CCDC149: variants seen among roughly 807,000 people sequenced by gnomAD.
CCDC149 encodes the protein coiled-coil domain containing 149, also known as coiled-coil domain-containing protein 149.
A neutral mutation model predicts 59.9 loss-of-function variants in CCDC149; 45 were observed. The ratio of observed to expected loss-of-function variants is 0.75; its 90% CI spans 0.59 to 0.96. The LOEUF (loss-of-function observed/expected upper bound fraction) is 0.96, where lower values mean the gene tolerates loss of function less well. Ranked by LOEUF, CCDC149 falls within the 40% of genes least tolerant of loss-of-function variation. CCDC149 has a pLI of 0.00. For synonymous variants in CCDC149, 245 were observed against 260.6 expected (o/e 0.94, Z 0.58); for missense variants, 584 against 664.7 (o/e 0.88, Z 1.33).
chr4:24,897,745 G>C (rs1351394584), intron 1 of CCDC149, among the ~76,000 whole-genome samples: 1 of 152,204 alleles, frequency 6.6e-6, no homozygotes, highest in Non-Finnish European at 1.5e-5. Flanking sequence ...GCACGAGTTT[G>C]GATTTGGGCA....
rs573396223 is a variant in CCDC149 at position 24,935,186 on chromosome 4, A to G, written c.-64-40068T>C. On this transcript the variant is annotated intron_variant, in intron 1 of 12. Transcript: ENST00000389609. ...GATTCTGGAAGTATTTTTAAGTTAGACACAGCAATGCTTGCAGATAGATTG... is the reference window on the plus strand; with the variant it reads ...GATTCTGGAAGTATTTTTAAGTTAGGCACAGCAATGCTTGCAGATAGATTG... 3.9e-5 allele frequency among the ~76,000 whole-genome samples: 6 copies of G among 152,308 alleles called. No homozygotes were observed. In the South Asian group the frequency reaches 1.2e-3, roughly 32 times the overall value.
Position 24,878,412 on chromosome 4 carries a change from G to C in CCDC149, c.64-1715C>G, listed in dbSNP as rs575877985. Among the ~76,000 whole-genome samples, 11 of 152,248 alleles carry C rather than the reference G, an allele frequency of 7.2e-5. No homozygotes were observed. The East Asian group carries it at 1.5e-3, about 21-fold the overall frequency. On this transcript the variant is annotated intron_variant, in intron 1 of 12. Coordinates refer to ENST00000635206, the MANE Select transcript of CCDC149 (RefSeq NM_001330643.2). ...TTGAGACGTTGACATCGTCTTCATG[G>C]AGGCAAAATGGTTCTGTTGCCACAG... is the stretch of plus-strand genomic sequence containing the variant.
At chr4:24,820,501 GGAAA>G (rs1400200213) in intron 11 of CCDC149, among the ~76,000 whole-genome samples, 1 of 151,956 alleles carries the variant, frequency 6.6e-6, no homozygotes, top group Non-Finnish European at 1.5e-5. Context: ...TCCTACTTTG[GGAAA>G]GAAAGAAGAG....
intron 1 of CCDC149, among the ~76,000 whole-genome samples, chr4:24,949,966 G>A (rs72619166): frequency 0.09 from 13,758 of 152,146 alleles, 1,050 homozygotes; most frequent in East Asian, 0.29. Context: ...GAAGGATGGC[G>A]ACAGAGGTCA....
At chr4:24,953,640 C>T (rs1178245199) in intron 1 of CCDC149, among the ~76,000 whole-genome samples, 4 of 152,132 alleles carry the variant, frequency 2.6e-5, no homozygotes, top group African/African-American at 7.2e-5. Context: ...AACAAAAATA[C>T]TTCAAAGCAT....
chr4:24,818,717 C>T (rs1302103998), intron 12 of CCDC149, among the ~76,000 whole-genome samples: 1 of 152,192 alleles, frequency 6.6e-6, no homozygotes, highest in African/African-American at 2.4e-5. Flanking sequence ...GCTTGAGCGT[C>T]CTCATGATAT....
Position 24,837,116 on chromosome 4 carries a change from A to C in CCDC149, c.662+112T>G. Reference sequence around the variant, plus strand: ...ATTTCGGGGGAGTGAGTTTCTTTTCACTTGTAAGGCAATTTTCTCCAAAAT... The same window carrying C: ...ATTTCGGGGGAGTGAGTTTCTTTTCCCTTGTAAGGCAATTTTCTCCAAAAT... On this transcript the variant is annotated intron_variant, in intron 6 of 12. Transcript: ENST00000635206. The surrounding 1 kb of genome is among the most constrained non-coding windows in gnomAD (Gnocchi z 4.3). The C allele has an allele frequency of 9.6e-7, 1 of 1,037,906 alleles. No individual in the cohort carries two copies. The highest frequency in any genetic ancestry group is 1.7e-5 in the South Asian group (1 of 58,920). The allele number at this position is 1,037,906 out of a possible 1,614,324, so 64.3% of individuals were successfully genotyped here.
chr4:24,917,818 C>A (rs947549136), upstream of CCDC149, among the ~76,000 whole-genome samples: 3 of 151,964 alleles, frequency 2.0e-5, no homozygotes, highest in Admixed American at 2.0e-4. Flanking sequence ...ATTTCTTCTG[C>A]GTGGGGGGGA....
chr4:24,862,527 A>G (rs1718446561), intron 3 of CCDC149, among the ~76,000 whole-genome samples: 1 of 152,142 alleles, frequency 6.6e-6, no homozygotes, highest in Admixed American at 6.5e-5. Context: ...ATCACTGCCT[A>G]TGCGCTGAAT....
At chr4:24,912,309 T>C (rs1216631923) in intron 1 of CCDC149, among the ~76,000 whole-genome samples, 1 of 151,992 alleles carries the variant, frequency 6.6e-6, no homozygotes, top group African/African-American at 2.4e-5. Flanking sequence ...ACGTGTTGAT[T>C]GAATTGAGCA....
At chr4:24,824,381 A>C (rs1715593199) in intron 9 of CCDC149, among the ~76,000 whole-genome samples, 1 of 152,226 alleles carries the variant, frequency 6.6e-6, no homozygotes, top group South Asian at 2.1e-4. Flanking sequence ...AGAAATAATA[A>C]CAATAGTACC....
At chr4:24,848,508 G>A (rs1424255357) in intron 4 of CCDC149, among the ~76,000 whole-genome samples, 1 of 152,110 alleles carries the variant, frequency 6.6e-6, no homozygotes, top group African/African-American at 2.4e-5. Flanking sequence ...GGCGGAGGTT[G>A]CAGTGAGCTG....
At chr4:24,839,349 T>G (rs1391087656) in intron 4 of CCDC149, among the ~76,000 whole-genome samples, 1 of 151,780 alleles carries the variant, frequency 6.6e-6, no homozygotes, top group African/African-American at 2.4e-5. Flanking sequence ...CCAGTTAATT[T>G]TTTGTATTTT....
chr4:24,935,484 G>A (rs1722711047), intron 1 of CCDC149, among the ~76,000 whole-genome samples: 1 of 152,114 alleles, frequency 6.6e-6, no homozygotes, highest in Non-Finnish European at 1.5e-5. Flanking sequence ...CAATATGAAG[G>A]TATAAGGAGG....
intron 1 of CCDC149, chr4:24,895,102 T>C (rs913763130): frequency 3.5e-6 from 4 of 1,152,980 alleles, no homozygotes; most frequent in Non-Finnish European, 5.0e-6. Context: ...CCACTACTTA[T>C]GAATAAGTAG....
chr4:24,857,716 G>C (rs975917889), intron 3 of CCDC149, among the ~76,000 whole-genome samples: 7 of 152,174 alleles, frequency 4.6e-5, no homozygotes, highest in Non-Finnish European at 1.0e-4. Flanking sequence ...AATCTACTAA[G>C]AGCCAGCATT....
At chr4:24,943,830 C>A (rs1723020617) in intron 1 of CCDC149, among the ~76,000 whole-genome samples, 1 of 152,170 alleles carries the variant, frequency 6.6e-6, no homozygotes, top group Admixed American at 6.5e-5. Context: ...CATCACTGGC[C>A]ATCAGAGAAA....
chr4:24,869,470 G>C (rs1047911596), intron 3 of CCDC149, among the ~76,000 whole-genome samples: 1 of 152,202 alleles, frequency 6.6e-6, no homozygotes, highest in African/African-American at 2.4e-5. Context: ...GCTGGAACCT[G>C]TCTTTGGAGC....
intron 3 of CCDC149, among the ~76,000 whole-genome samples, chr4:24,866,301 G>A (rs1197959812): frequency 6.6e-6 from 1 of 152,016 alleles, no homozygotes; most frequent in East Asian, 1.9e-4. Flanking sequence ...TGGTACGTCT[G>A]CTTGAAATCA....
Sources: allele counts gnomAD v4.1 joint callset (sites outside exome capture counted in the v4.1 genomes callset), GRCh38; gene constraint gnomAD v4.1.1; non-coding constraint Gnocchi (gnomAD v3.1); transcripts MANE v1.5; gene names NCBI Gene and HGNC (gene_info 2026-07-23, HGNC 2026-07-21).